KLHL21: variants seen among roughly 807,000 people sequenced by gnomAD.
KLHL21 encodes the protein kelch like family member 21.
A neutral mutation model predicts 44.1 loss-of-function variants in KLHL21; 42 were observed. The ratio of observed to expected loss-of-function variants is 0.95; its 90% CI spans 0.74 to 1.23. KLHL21 has a LOEUF of 1.23. Ranked by LOEUF, KLHL21 falls within the 50% of genes most tolerant of loss-of-function variation. The probability of loss-of-function intolerance (pLI) is 0.00; values close to 1 mark genes in which losing one functional copy is unlikely to be tolerated. For synonymous variants in KLHL21, 524 were observed against 411.6 expected (o/e 1.27, Z -3.31); for missense variants, 918 against 889.1 (o/e 1.03, Z -0.41).
chr1:6,601,966 G>A lies in KLHL21; in HGVS notation c.852C>T (p.Leu284=). 2 of 1,557,302 alleles carry A rather than the reference G, an allele frequency of 1.3e-6. No homozygotes were observed. Among genetic ancestry groups the A allele is most frequent in the East Asian group, 2.4e-5 (1 of 41,268 alleles). The part of the protein sequence containing the change: ...PRMRPRPSTG[L]AEILVLVGGC... ...CGCCCACGAGCACGAGGATCTCGGC[G>A]AGACCGGTGGACGGGCGAGGACGCA... The change falls in exon 1 of 4, where the codon CTC becomes CTT. Residue 284 remains leucine (L), a synonymous_variant. Transcript: ENST00000377658.
rs1029854557 is a variant in KLHL21, at chr1:6,594,143, A to G, written c.1501-485T>C. 28 of 907,910 alleles carry G rather than the reference A, an allele frequency of 3.1e-5. No individual in the cohort carries two copies. In the Admixed American group the frequency reaches 1.7e-3, roughly 55 times the overall value. The allele number at this position is 907,910 out of a possible 1,614,324, so 56.2% of individuals were successfully genotyped here. Reference sequence around the variant, plus strand: ...GAAAACAGAACGCTGGGTCTCTTAAATGCCAGGACATTAAGCTGTGATGTA... The same window carrying G: ...GAAAACAGAACGCTGGGTCTCTTAAGTGCCAGGACATTAAGCTGTGATGTA... On this transcript the variant is annotated intron_variant, in intron 3 of 3. Coordinates refer to ENST00000377658, the MANE Select transcript of KLHL21 (RefSeq NM_014851.4).
intron 2 of KLHL21, among the ~76,000 whole-genome samples, chr1:6,597,378 C>T (rs977196345): frequency 2.0e-5 from 3 of 152,176 alleles, no homozygotes; most frequent in Non-Finnish European, 4.4e-5. Context: ...TGCCTAGGGG[C>T]CGAAAGGAAG....
In KLHL21 at chr1:6,593,628, C is replaced by G. The variant is rs1331166139; in HGVS notation, c.1531G>C (p.Gly511Arg). 1.1e-5 allele frequency: 17 copies of G among 1,592,612 alleles called. No homozygotes were observed. The highest frequency in any genetic ancestry group is 1.4e-5 in the Non-Finnish European group (16 of 1,166,532). The part of the protein sequence containing the change: ...VHVGGSLAVL[G>R]GKLYVSGGYD... The stretch of plus-strand genomic sequence containing the variant: ...CCCCCAGAGACGTACAGCTTCCCCC[C>G]AAGGACGGCCAGGCTGCCCCCCACA... The change falls in exon 4 of 4, where the codon GGG becomes CGG. Residue 511 changes from glycine (G) to arginine (R), a missense_variant. Gly to Arg is a moderately radical substitution (Grantham distance 125). Coordinates refer to ENST00000377658, the MANE Select transcript of KLHL21 (RefSeq NM_014851.4).
chr1:6,597,898 G>C (rs1191357633), intron 2 of KLHL21, among the ~76,000 whole-genome samples: 1 of 152,242 alleles, frequency 6.6e-6, no homozygotes, highest in Non-Finnish European at 1.5e-5. Flanking sequence ...GGGAGGGGCT[G>C]CCCCGTGCCA....
At chr1:6,601,156 G>GC (rs1641010845) in intron 1 of KLHL21, among the ~76,000 whole-genome samples, 3 of 152,194 alleles carry the variant, frequency 2.0e-5, no homozygotes, top group Non-Finnish European at 4.4e-5. Context: ...AACCGTAGAA[G>GC]CCCAAACTCA....
rs775676334 is a variant in KLHL21 at position 6,601,794 on chromosome 1, C to A, written c.1021+3G>T. On this transcript the variant is annotated splice_donor_region_variant and intron_variant, in intron 1 of 3. Coordinates refer to ENST00000377658, the MANE Select transcript of KLHL21 (RefSeq NM_014851.4). ...GAGCCTGCCCAGCCCCTGGCCCACT[C>A]ACCCGTCACGTAGATGTCATTGCCC... 3.8e-6 allele frequency: 6 copies of A among 1,566,948 alleles called. No homozygotes were observed. In the South Asian group the frequency reaches 5.8e-5, roughly 15 times the overall value.
chr1:6,593,602 T>C lies in KLHL21; in HGVS notation c.1557A>G (p.Gly519=). The C allele has an allele frequency of 6.2e-7, 1 of 1,611,936 alleles. No individual in the cohort carries two copies. Among genetic ancestry groups the C allele is most frequent in the East Asian group, 2.2e-5 (1 of 44,828 alleles). The part of the protein sequence containing the change: ...VLGGKLYVSG[G]YDNTFELSDV... ...CCGAGAGTTCAAATGTATTGTCGTA[T>C]CCCCCAGAGACGTACAGCTTCCCCC... The change falls in exon 4 of 4, where the codon GGA becomes GGG. Residue 519 remains glycine, a synonymous_variant. Coordinates refer to ENST00000377658, the MANE Select transcript of KLHL21 (RefSeq NM_014851.4).
rs757105046 is a variant in KLHL21, at chr1:6,602,274, G to A, written c.544C>T (p.Leu182=). 25 of 1,554,994 alleles carry A rather than the reference G, an allele frequency of 1.6e-5. No individual in the cohort carries two copies. The highest frequency in any genetic ancestry group is 1.8e-5 in the Admixed American group (1 of 54,578). The change falls in exon 1 of 4, where the codon CTG becomes TTG. Residue 182 remains leucine, a synonymous_variant. Transcript: ENST00000377658. The part of the protein sequence containing the change: ...QLERLPLARL[L]RYLRDDGLCV... ...AGCCCGTCGTCCCGCAGGTAGCGCA[G>A]CAGGCGCGCCAGTGGCAGCCGCTCC...
At position 6,593,480 on chromosome 1, in the gene KLHL21, C is replaced by T. The variant is rs769792060; in HGVS notation, c.1679G>A (p.Arg560His). 4.3e-6 allele frequency: 7 copies of T among 1,613,782 alleles called. No individual in the cohort carries two copies. The highest frequency in any genetic ancestry group is 5.1e-6 in the Non-Finnish European group (6 of 1,180,008). Residue 560 changes from arginine to histidine, a missense_variant, in exon 4 of 4, where the codon CGC becomes CAC. Arg to His is a conservative substitution (Grantham distance 29). Coordinates refer to ENST00000377658, the MANE Select transcript of KLHL21 (RefSeq NM_014851.4). ...CGAGAAGGTCTGGGGCATGAACTGGCGGAAGATGCTGACACTGCCATGCCA... is the reference window on the plus strand; with the variant it reads ...CGAGAAGGTCTGGGGCATGAACTGGTGGAAGATGCTGACACTGCCATGCCA... ...TFWHGSVSIF[R>H]QFMPQTFSGG...
At position 6,593,002 on chromosome 1, in the gene KLHL21, TC is replaced by T. The variant is rs1640873367; in HGVS notation, c.*362del. On this transcript the variant is annotated 3_prime_UTR_variant, in exon 4 of 4. Coordinates refer to ENST00000377658, the MANE Select transcript of KLHL21 (RefSeq NM_014851.4). ...GACCCCTTCTCCCTTCACGCGTCCC[TC>T]CCAAGTCATCGTCCTCTCCCAAGGT... The T allele has an allele frequency of 4.2e-6, 1 of 238,126 alleles. No individual in the cohort carries two copies. Among genetic ancestry groups the T allele is most frequent in the Non-Finnish European group, 8.2e-6 (1 of 121,592 alleles). The allele number at this position is 238,126 out of a possible 1,614,324, so 14.8% of individuals were successfully genotyped here. A position where few individuals can be genotyped will look rare whatever the true frequency, so the allele number is the denominator to read the frequency against.
chr1:6,602,010 G>A lies in KLHL21; in HGVS notation c.808C>T (p.Arg270Cys), dbSNP rs1641029691. ...GGACGCATTCGGGGACAGGGCCCGC[G>A]GTCGTGGCGGTCGTAGCGCGCCGCC... ...FQAARYDRHD[R>C]GPCPRMRPRP... Residue 270 changes from arginine to cysteine, a missense_variant, in exon 1 of 4, where the codon CGC becomes TGC. Transcript: ENST00000377658. 2 of 1,537,790 alleles carry A rather than the reference G, an allele frequency of 1.3e-6. No individual in the cohort carries two copies. Among genetic ancestry groups the A allele is most frequent in the Non-Finnish European group, 1.8e-6 (2 of 1,139,012 alleles).
intron 3 of KLHL21, chr1:6,594,100 T>C (rs1444353676): frequency 6.0e-6 from 6 of 996,906 alleles, no homozygotes; most frequent in South Asian, 9.3e-5. Flanking sequence ...GCTATGACTA[T>C]GTGCAGCTTA....
Position 6,602,741 on chromosome 1 carries a change from C to G in KLHL21, c.77G>C (p.Ser26Thr). The G allele has an allele frequency of 6.6e-7, 1 of 1,510,930 alleles. No homozygotes were observed. Among genetic ancestry groups the G allele is most frequent in the Non-Finnish European group, 8.8e-7 (1 of 1,137,202 alleles). The allele number at this position is 1,510,930 out of a possible 1,614,324, so 93.6% of individuals were successfully genotyped here. A position where few individuals can be genotyped will look rare whatever the true frequency, so the allele number is the denominator to read the frequency against. ...AHALSLLRGL[S>T]QLRAERKFLD... ...GAACTTGCGCTCGGCGCGCAGCTGG[C>G]TCAGGCCGCGCAGCAGGCTCAGGGC... The change falls in exon 1 of 4, where the codon AGC becomes ACC. Residue 26 changes from serine to threonine, a missense_variant. By Grantham distance (58) the Ser-to-Thr change is moderately conservative. Coordinates refer to ENST00000377658, the MANE Select transcript of KLHL21 (RefSeq NM_014851.4).
At position 6,593,282 on chromosome 1, in the gene KLHL21, G is replaced by C. The variant is rs531955822; in HGVS notation, c.*83C>G. The stretch of plus-strand genomic sequence containing the variant: ...TGTGCTCCTCCTGTGAGCCCAACGT[G>C]TCCTTGTGCACAAAGGAGTGGGGCA... On this transcript the variant is annotated 3_prime_UTR_variant, in exon 4 of 4. Transcript: ENST00000377658. The C allele has an allele frequency of 6.0e-5, 84 of 1,390,278 alleles. No individual in the cohort carries two copies. The Admixed American group carries it at 8.8e-4, about 15-fold the overall frequency. 86.1% of individuals were successfully genotyped at this position (1,390,278 alleles called of 1,614,324 possible).
intron 1 of KLHL21, among the ~76,000 whole-genome samples, chr1:6,600,632 C>T (rs1467018794): frequency 6.6e-6 from 1 of 152,252 alleles, no homozygotes; most frequent in Non-Finnish European, 1.5e-5. Flanking sequence ...AGGAATGAAC[C>T]AGCCACCTGC....
intron 2 of KLHL21, among the ~76,000 whole-genome samples, chr1:6,597,084 A>G (rs1303154414): frequency 5.3e-5 from 8 of 152,218 alleles, no homozygotes. Context: ...GCTTCCACTC[A>G]GGCTGAGCCT....
intron 3 of KLHL21, 180 bp from the exon 4 acceptor site, chr1:6,593,838 T>G: frequency 4.4e-6 from 6 of 1,363,930 alleles, no homozygotes; most frequent in Non-Finnish European, 3.8e-6. Context: ...AGAACGGGCC[T>G]CCCCGGAGGC....
chr1:6,595,115 T>C, intron 3 of KLHL21: 3 of 497,378 alleles, frequency 6.0e-6, no homozygotes, highest in Non-Finnish European at 1.1e-5. Context: ...CCACATGGGC[T>C]GCTGGTGTAT....
Position 6,599,378 on chromosome 1 carries a change from C to A in KLHL21, c.1096G>T (p.Ala366Ser). Residue 366 changes from alanine to serine, a missense_variant, in exon 2 of 4, where the codon GCG becomes TCG. Physicochemically the swap from Ala to Ser is moderately conservative, Grantham distance 99. Transcript: ENST00000377658. ...TACTCGCGGGCCTTCAGCATGGGCG[C>A]CACCTCCGCCCACTCATTCACGCTT... is the stretch of plus-strand genomic sequence containing the variant. The part of the protein sequence containing the change: ...NSSVNEWAEV[A>S]PMLKAREYHS... The A allele has an allele frequency of 5.0e-6, 8 of 1,613,660 alleles. No homozygotes were observed. Among genetic ancestry groups the A allele is most frequent in the Non-Finnish European group, 5.1e-6 (6 of 1,179,982 alleles).
Sources: allele counts gnomAD v4.1 joint callset (sites outside exome capture counted in the v4.1 genomes callset), GRCh38; gene constraint gnomAD v4.1.1; transcripts MANE v1.5; gene names NCBI Gene and HGNC (gene_info 2026-07-23, HGNC 2026-07-21).